Variants in FRAS1 observed in about 807,000 individuals in gnomAD.
The protein encoded by FRAS1 is Fraser extracellular matrix complex subunit 1.
In FRAS1, 290 loss-of-function variants were observed where a neutral mutation model predicts 435.2. That is an observed-to-expected ratio of 0.67 (90% CI 0.61 to 0.73). FRAS1 has a LOEUF of 0.73. Among genes scored for constraint, FRAS1 ranks in the 30% least tolerant of loss-of-function variants. The pLI, the probability that FRAS1 is intolerant of heterozygous loss-of-function variation, is 0.00. For missense variants in FRAS1, 4,860 were observed against 5,001.5 expected (o/e 0.97, Z 0.85); for synonymous variants, 1,800 against 1,851.0 (o/e 0.97, Z 0.71).
At chr4:78,505,809 A>C (rs1462224804) in intron 61 of FRAS1, among the ~76,000 whole-genome samples, 1 of 151,930 alleles carries the variant, frequency 6.6e-6, no homozygotes, top group African/African-American at 2.4e-5. Flanking sequence ...GAGAAGAGAC[A>C]CTCTGGTTTT....
At position 78,513,285 on chromosome 4, in the gene FRAS1, A is replaced by G; in HGVS notation, c.10014-107A>G. 5.3e-6 allele frequency: 6 copies of G among 1,124,952 alleles called. No individual in the cohort carries two copies. The South Asian group carries it at 8.1e-5, about 15-fold the overall frequency. The allele number at this position is 1,124,952 out of a possible 1,614,324, so 69.7% of individuals were successfully genotyped here. On this transcript the variant is annotated intron_variant, in intron 64 of 73. Coordinates refer to ENST00000512123, the MANE Select transcript of FRAS1 (RefSeq NM_025074.7). Reference sequence around the variant, plus strand: ...CTGGAAAGCTTCAGGAAGAAAAAAAAATGGTAGCTCATTGGTGAAGACAAA... The same window carrying G: ...CTGGAAAGCTTCAGGAAGAAAAAAAGATGGTAGCTCATTGGTGAAGACAAA...
At chr4:78,360,989 TTGG>T (rs2110293066) in intron 20 of FRAS1, among the ~76,000 whole-genome samples, 1 of 152,360 alleles carries the variant, frequency 6.6e-6, no homozygotes, top group African/African-American at 2.4e-5. Context: ...CCTGCAGATC[TTGG>T]TGATGCATGC....
At chr4:78,257,711 G>A (rs1439409776) in intron 6 of FRAS1, among the ~76,000 whole-genome samples, 1 of 152,096 alleles carries the variant, frequency 6.6e-6, no homozygotes. Context: ...CAGTCTTTTG[G>A]TAAGAAAATG....
rs144201132 is a variant in FRAS1 at position 78,172,003 on chromosome 4, G to A, written c.109-65507G>A. 1.1e-3 allele frequency among the ~76,000 whole-genome samples: 169 copies of A among 152,084 alleles called. 2 individuals carry two copies. The highest frequency in any genetic ancestry group is 3.6e-3 in the African/African-American group (150 of 41,542). On this transcript the variant is annotated intron_variant, in intron 2 of 73. Transcript: ENST00000512123. ...CTCAAGTCAAGAATAGCTTCCTTCC[G>A]TCTTTACCTTAAATGCCTTTTCCAG...
At chr4:78,310,387 G>A (rs1194874412) in intron 15 of FRAS1, among the ~76,000 whole-genome samples, 5 of 152,212 alleles carry the variant, frequency 3.3e-5, no homozygotes, top group African/African-American at 1.2e-4. Context: ...TTTTGCTGGA[G>A]AAGTGGTGTA....
chr4:78,407,677 C>T lies in FRAS1; in HGVS notation c.4144C>T (p.Leu1382=). The T allele has an allele frequency of 3.1e-6, 5 of 1,612,042 alleles. No homozygotes were observed. Among genetic ancestry groups the T allele is most frequent in the Non-Finnish European group, 4.2e-6 (5 of 1,179,046 alleles). Residue 1382 remains leucine (L), a synonymous_variant, in exon 31 of 74, where the codon CTA becomes TTA. Transcript: ENST00000512123. ...TGCCTTCCTAGGGGAGGTGGTCCTT[C>T]TAGTGAATATGCCTGCAGACAGCCC... is the stretch of plus-strand genomic sequence containing the variant. ...DYPQFGEVVL[L]VNMPADSPAD... is the part of the protein sequence containing the mutation.
chr4:78,081,685 C>G (rs1204956615), intron 2 of FRAS1, among the ~76,000 whole-genome samples: 1 of 152,130 alleles, frequency 6.6e-6, no homozygotes, highest in Admixed American at 6.6e-5. Flanking sequence ...TTTGTCTTGG[C>G]TAGAGATAGA....
chr4:78,395,326 G>T (rs185295095), intron 29 of FRAS1, among the ~76,000 whole-genome samples: 169 of 152,060 alleles, frequency 1.1e-3, no homozygotes, highest in Non-Finnish European at 2.2e-3. Context: ...AGAAGAATAT[G>T]AATTCTGCTG....
chr4:78,141,709 A>G lies in FRAS1; in HGVS notation c.108+75693A>G, dbSNP rs140666655. Among the ~76,000 whole-genome samples the G allele has an allele frequency of 9.9e-4, 151 of 152,312 alleles. 1 individual carries two copies. The highest frequency in any genetic ancestry group is 3.5e-3 in the African/African-American group (144 of 41,576). On this transcript the variant is annotated intron_variant, in intron 2 of 73. Coordinates refer to ENST00000512123, the MANE Select transcript of FRAS1 (RefSeq NM_025074.7). ...CATGTTTATAGCAGCACAATTCACA[A>G]TTGCAAAATCGTGGAACCAACCCAA...
rs747504795 is a variant in FRAS1, at chr4:78,513,441, A to G, written c.10063A>G (p.Ile3355Val). The change falls in exon 65 of 74, where the codon ATC (isoleucine) becomes GTC (valine). Residue 3355 changes from isoleucine to valine, a missense_variant. Physicochemically the swap from Ile to Val is conservative, Grantham distance 29 (BLOSUM62 3). Transcript: ENST00000512123. ...IPHQDGMLPL[I>V]STMPLHNLHF... ...ACACCAGGATGGAATGCTGCCCCTT[A>G]TCTCCACCATGCCGTTGCACAACTT... The G allele has an allele frequency of 3.7e-6, 6 of 1,613,806 alleles. No individual in the cohort carries two copies. The highest frequency in any genetic ancestry group is 1.6e-4 in the Middle Eastern group (1 of 6,084).
chr4:78,505,808 CA>C (rs1720819977), intron 61 of FRAS1, among the ~76,000 whole-genome samples: 1 of 152,158 alleles, frequency 6.6e-6, no homozygotes, highest in Non-Finnish European at 1.5e-5. Context: ...GGAGAAGAGA[CA>C]CTCTGGTTTT....
intron 20 of FRAS1, among the ~76,000 whole-genome samples, chr4:78,345,428 A>G (rs1024783173): frequency 1.3e-5 from 2 of 152,110 alleles, no homozygotes; most frequent in Non-Finnish European, 2.9e-5. Context: ...TATGATAATT[A>G]TGACAAGGAT....
intron 29 of FRAS1, among the ~76,000 whole-genome samples, chr4:78,398,804 G>A (rs1484184592): frequency 1.3e-5 from 2 of 152,160 alleles, no homozygotes; most frequent in Non-Finnish European, 2.9e-5. Flanking sequence ...CCAACATGGT[G>A]AAACCCAGTC....
chr4:78,090,070 G>T (rs1427833561), intron 2 of FRAS1, among the ~76,000 whole-genome samples: 2 of 56,928 alleles, frequency 3.5e-5, no homozygotes, highest in East Asian at 2.7e-3. Context: ...GAAGATCGTG[G>T]CATTGCAAAC....
intron 10 of FRAS1, 62 bp from the exon 11 acceptor site, chr4:78,281,332 AAAAT>A: frequency 9.0e-7 from 1 of 1,107,074 alleles, no homozygotes; most frequent in East Asian, 2.7e-5. Context: ...TCCTAATGAA[AAAAT>A]AAAATAATCA....
intron 49 of FRAS1, 115 bp downstream of exon 49, chr4:78,464,698 A>G (rs1430319390): frequency 1.8e-6 from 2 of 1,112,144 alleles, no homozygotes; most frequent in Admixed American, 2.5e-5. Context: ...GGTGAGTGCA[A>G]GCATCCTTGA....
chr4:78,208,241 G>T (rs1007357901), intron 2 of FRAS1, among the ~76,000 whole-genome samples: 2 of 152,176 alleles, frequency 1.3e-5, no homozygotes, highest in South Asian at 4.1e-4. Context: ...CTTAGAAAAA[G>T]GGGGAGAGTA....
In FRAS1 at chr4:78,541,170, A is replaced by G; in HGVS notation, c.*46A>G. On this transcript the variant is annotated 3_prime_UTR_variant, in exon 74 of 74. Transcript: ENST00000512123. The stretch of plus-strand genomic sequence containing the variant: ...TTTTTTCTAAAATCATTTTTATAAA[A>G]TGGGGGGAAATACTGGTATTTTTAT... The G allele has an allele frequency of 9.1e-7, 1 of 1,101,420 alleles. No individual in the cohort carries two copies. Among genetic ancestry groups the G allele is most frequent in the African/African-American group, 1.6e-5 (1 of 62,518 alleles). 68.2% of individuals were successfully genotyped at this position (1,101,420 alleles called of 1,614,324 possible). A position where few individuals can be genotyped will look rare whatever the true frequency, so the allele number is the denominator to read the frequency against.
intron 2 of FRAS1, among the ~76,000 whole-genome samples, chr4:78,111,752 TAAAAAAAA>T (rs564909222): frequency 9.5e-6 from 1 of 105,106 alleles, no homozygotes; most frequent in African/African-American, 3.6e-5. Context: ...TAGAGTATAA[TAAAAAAAA>T]AAAAAAAAAA....
Sources: gnomAD v4.1 joint callset for allele counts (sites outside exome capture counted in the v4.1 genomes callset) on GRCh38, gnomAD v4.1.1 for gene constraint, MANE v1.5 for transcripts, NCBI Gene and HGNC (gene_info 2026-07-23, HGNC 2026-07-21) for gene names.